SLCO3A1: variants seen among roughly 807,000 people sequenced by gnomAD.
SLCO3A1 encodes PGE1 transporter.
A neutral mutation model predicts 63.1 loss-of-function variants in SLCO3A1; 27 were observed. The ratio of observed to expected loss-of-function variants is 0.43; its 90% CI spans 0.32 to 0.59. The LOEUF is 0.59. SLCO3A1 is among the 20% of genes least tolerant of loss of function. The pLI is 0.09. For synonymous variants in SLCO3A1, 473 were observed against 409.9 expected (o/e 1.15, Z -1.86); for missense variants, 773 against 945.8 (o/e 0.82, Z 2.40).
intron 2 of SLCO3A1, among the ~76,000 whole-genome samples, chr15:92,071,854 T>G (rs1217487100): frequency 6.6e-6 from 1 of 152,234 alleles, no homozygotes; most frequent in Non-Finnish European, 1.5e-5. Flanking sequence ...CAGACCACAC[T>G]GGATGTGTCT....
At chr15:91,978,911 A>C (rs977398735) in intron 2 of SLCO3A1, among the ~76,000 whole-genome samples, 2 of 152,256 alleles carry the variant, frequency 1.3e-5, no homozygotes, top group African/African-American at 2.4e-5. Context: ...CCTCTGGTCT[A>C]GTTCAACACT....
intron 1 of SLCO3A1, among the ~76,000 whole-genome samples, chr15:91,855,852 C>T (rs1035456213): frequency 2.6e-5 from 4 of 152,148 alleles, no homozygotes; most frequent in African/African-American, 7.2e-5. Flanking sequence ...TCCACTTTAA[C>T]GGTTTGTTTG....
At chr15:92,042,306 A>G (rs2046809689) in intron 2 of SLCO3A1, among the ~76,000 whole-genome samples, 1 of 152,206 alleles carries the variant, frequency 6.6e-6, no homozygotes, top group South Asian at 2.1e-4. Flanking sequence ...CGAACTTAAA[A>G]TTAATTTTAA....
At position 92,105,512 on chromosome 15, in the gene SLCO3A1, T is replaced by C. The variant is rs909233303; in HGVS notation, c.1009+970T>C. On this transcript the variant is annotated intron_variant, in intron 4 of 9. Coordinates refer to ENST00000318445, the MANE Select transcript of SLCO3A1 (RefSeq NM_013272.4). ...CAATGATGCAGAGTGAGAACCCCCC[T>C]CCACCACCACCGCCCAAGTTGTTTC... 7.2e-5 allele frequency among the ~76,000 whole-genome samples: 11 copies of C among 152,108 alleles called. No individual in the cohort carries two copies. In the South Asian group the frequency reaches 2.3e-3, roughly 32 times the overall value.
intron 2 of SLCO3A1, among the ~76,000 whole-genome samples, chr15:92,084,205 G>A (rs1274161764): frequency 6.6e-6 from 1 of 152,086 alleles, no homozygotes; most frequent in East Asian, 2.0e-4. Flanking sequence ...ACATGATCCT[G>A]TATTTTCCAC....
At chr15:92,127,896 T>C (rs2151567870) in intron 6 of SLCO3A1, among the ~76,000 whole-genome samples, 1 of 152,206 alleles carries the variant, frequency 6.6e-6, no homozygotes, top group South Asian at 2.1e-4. Flanking sequence ...AGGGAAGAAG[T>C]TAAATCCTCA....
chr15:92,142,766 A>C (rs1186670004), intron 7 of SLCO3A1, among the ~76,000 whole-genome samples: 1 of 152,194 alleles, frequency 6.6e-6, no homozygotes, highest in Admixed American at 6.5e-5. Context: ...TGAGATAAAG[A>C]TGTCTCATTT....
At chr15:91,970,304 A>T (rs1900812138) in intron 2 of SLCO3A1, among the ~76,000 whole-genome samples, 1 of 152,174 alleles carries the variant, frequency 6.6e-6, no homozygotes, top group African/African-American at 2.4e-5. Context: ...CTCTGTTTCT[A>T]AAACAAGGAG....
At chr15:91,953,564 C>T (rs1597152146) in intron 2 of SLCO3A1, among the ~76,000 whole-genome samples, 3 of 152,158 alleles carry the variant, frequency 2.0e-5, no homozygotes, top group South Asian at 4.1e-4. Context: ...CATGTTGGGG[C>T]CTGCACTCAC....
chr15:91,931,129 GC>G (rs760807345), intron 2 of SLCO3A1, among the ~76,000 whole-genome samples: 2 of 152,224 alleles, frequency 1.3e-5, no homozygotes, highest in Admixed American at 1.3e-4. Flanking sequence ...CAAGGAGACA[GC>G]CTTCCAAACC....
intron 1 of SLCO3A1, among the ~76,000 whole-genome samples, chr15:91,864,223 A>G (rs1381733247): frequency 6.6e-6 from 1 of 152,188 alleles, no homozygotes; most frequent in Non-Finnish European, 1.5e-5. Context: ...CTTCTTAAGT[A>G]TAACATCGTA....
At chr15:92,167,654 G>C (rs990354108), downstream of SLCO3A1, among the ~76,000 whole-genome samples, 1 of 152,318 alleles carries the variant, frequency 6.6e-6, no homozygotes, top group African/African-American at 2.4e-5. Flanking sequence ...CTCACTGGTG[G>C]AAGATGCAAG....
At chr15:92,077,533 G>A (rs539680415) in intron 2 of SLCO3A1, among the ~76,000 whole-genome samples, 47 of 152,176 alleles carry the variant, frequency 3.1e-4, no homozygotes, top group Admixed American at 1.5e-3. Context: ...ATGAGAAAGC[G>A]TCTGGCTCCC....
At chr15:92,171,951 C>G (rs1232890192) in exon 11 of SLCO3A1, 2 of 931,286 alleles carry the variant, frequency 2.1e-6, no homozygotes, top group Non-Finnish European at 3.4e-6. Flanking sequence ...CCTCCCTGTC[C>G]GAGAACCCGA....
chr15:91,995,733 G>GAA (rs34688452), intron 2 of SLCO3A1, among the ~76,000 whole-genome samples: 13,669 of 79,470 alleles, frequency 0.17, 1,224 homozygotes, highest in Non-Finnish European at 0.22. Context: ...AGATTTTCTT[G>GAA]AAAAAAAAAA....
At chr15:92,070,976 T>C (rs1268101622) in intron 2 of SLCO3A1, among the ~76,000 whole-genome samples, 1 of 152,124 alleles carries the variant, frequency 6.6e-6, no homozygotes, top group Non-Finnish European at 1.5e-5. Context: ...AAGTCAGTAA[T>C]TGAGATCAGC....
At chr15:92,037,240 G>A (rs1225185748) in intron 2 of SLCO3A1, among the ~76,000 whole-genome samples, 2 of 152,186 alleles carry the variant, frequency 1.3e-5, no homozygotes, top group African/African-American at 2.4e-5. Context: ...CATGCCAAAT[G>A]ATATGTTTTA....
At chr15:92,066,685 A>G (rs1327867042) in intron 2 of SLCO3A1, among the ~76,000 whole-genome samples, 1 of 152,224 alleles carries the variant, frequency 6.6e-6, no homozygotes, top group Non-Finnish European at 1.5e-5. Context: ...GCCTTGTAGA[A>G]TTGAGCTGAG....
In SLCO3A1 at chr15:92,028,954, A is replaced by T. The variant is rs2046612280; in HGVS notation, c.647-65927A>T. Among the ~76,000 whole-genome samples the T allele has an allele frequency of 3.0e-4, 10 of 32,790 alleles. 1 individual carries two copies. The South Asian group carries it at 0.012, about 40-fold the overall frequency. 21.5% of individuals were successfully genotyped at this position (32,790 alleles called of 152,430 possible). A position where few individuals can be genotyped will look rare whatever the true frequency, so the allele number is the denominator to read the frequency against. On this transcript the variant is annotated intron_variant, in intron 2 of 9. Transcript: ENST00000318445. ...GTGTGTGTGTGTGTGTACGTACATG[A>T]GAAAACCCCTGACCCATGGTCAAAC...
Sources: allele counts gnomAD v4.1 joint callset (sites outside exome capture counted in the v4.1 genomes callset), GRCh38; gene constraint gnomAD v4.1.1; transcripts MANE v1.5; gene names NCBI Gene and HGNC (gene_info 2026-07-23, HGNC 2026-07-21).